WWP2: variants seen among roughly 807,000 people sequenced by gnomAD.
WWP2 encodes NEDD4-like E3 ubiquitin-protein ligase WWP2.
A neutral mutation model predicts 121.0 loss-of-function variants in WWP2; 57 were observed. That is an observed-to-expected ratio of 0.47 (90% CI 0.38 to 0.59). The LOEUF (loss-of-function observed/expected upper bound fraction) is 0.59, where lower values mean the gene tolerates loss of function less well. Ranked by LOEUF, WWP2 falls within the 20% of genes least tolerant of loss-of-function variation. The probability of loss-of-function intolerance (pLI) is 0.00; values close to 1 mark genes in which losing one functional copy is unlikely to be tolerated. For synonymous variants in WWP2, 449 were observed against 441.3 expected (o/e 1.02, Z -0.22); for missense variants, 962 against 1,158.9 (o/e 0.83, Z 2.47).
chr16:69,771,952 CTTTT>C (rs56376857), intron 1 of WWP2, among the ~76,000 whole-genome samples: 11 of 55,826 alleles, frequency 2.0e-4, no homozygotes, highest in Non-Finnish European at 3.1e-4. Context: ...TCTTTTTAGT[CTTTT>C]TTTTTTTTTT....
Position 69,935,895 on chromosome 16 carries a change from C to T in WWP2, c.1885C>T (p.Pro629Ser). The T allele has an allele frequency of 6.2e-7, 1 of 1,614,044 alleles. No homozygotes were observed. The highest frequency in any genetic ancestry group is 8.5e-7 in the Non-Finnish European group (1 of 1,180,020). The part of the protein sequence containing the change: ...GKFIDTGFTL[P>S]FYKRMLNKRP... ...GTTCATCGACACGGGCTTCACCCTC[C>T]CTTTCTACAAGCGGATGCTCAATAA... The change falls in exon 18 of 24, where the codon CCT becomes TCT. Residue 629 changes from proline (P) to serine (S), a missense_variant. Coordinates refer to ENST00000359154, the MANE Select transcript of WWP2 (RefSeq NM_001270454.2). This position sits in a 1 kb window ranked among gnomAD's most constrained non-coding sequence, Gnocchi z 5.2.
chr16:69,845,730 G>A (rs975210268), intron 6 of WWP2, among the ~76,000 whole-genome samples: 1 of 152,044 alleles, frequency 6.6e-6, no homozygotes, highest in African/African-American at 2.4e-5. Flanking sequence ...CCATTTCTTA[G>A]TGGGATCTTG....
chr16:69,787,588 C>T (rs1335275240), intron 2 of WWP2, among the ~76,000 whole-genome samples: 2 of 152,080 alleles, frequency 1.3e-5, no homozygotes, highest in Admixed American at 6.6e-5. Flanking sequence ...GACCCTGTCC[C>T]AAAAACAAAT....
At chr16:69,900,247 G>T (rs1371728472) in intron 8 of WWP2, among the ~76,000 whole-genome samples, 1 of 152,202 alleles carries the variant, frequency 6.6e-6, no homozygotes, top group Non-Finnish European at 1.5e-5. Flanking sequence ...CCTTTGGAAA[G>T]AGTGTACCCA....
rs561138636 is a variant in WWP2, at chr16:69,937,504, C to A, written c.2239-44C>A. 1.3e-5 allele frequency: 21 copies of A among 1,598,642 alleles called. No individual in the cohort carries two copies. In the South Asian group the frequency reaches 2.2e-4, roughly 17 times the overall value. On this transcript the variant is annotated intron_variant, in intron 20 of 23. Transcript: ENST00000359154. This position sits in a 1 kb window ranked among gnomAD's most constrained non-coding sequence, Gnocchi z 6.6. Reference sequence around the variant, plus strand: ...CAAGTGCTAGCGAGTGGACGATGCGCGGGGAGGGACCTGCCGGGGATGCTG... The same window carrying A: ...CAAGTGCTAGCGAGTGGACGATGCGAGGGGAGGGACCTGCCGGGGATGCTG...
intron 2 of WWP2, among the ~76,000 whole-genome samples, chr16:69,796,173 C>T (rs948235369): frequency 6.6e-6 from 1 of 152,112 alleles, no homozygotes; most frequent in Non-Finnish European, 1.5e-5. Flanking sequence ...TTGGGAAATA[C>T]ACCCAGAAAT....
chr16:69,894,307 C>T (rs2151945298), intron 8 of WWP2, among the ~76,000 whole-genome samples: 1 of 151,656 alleles, frequency 6.6e-6, no homozygotes, highest in African/African-American at 2.4e-5. Context: ...TCTCAAACTC[C>T]TGGGCTCAAG....
chr16:69,854,245 G>A (rs1469910157), intron 6 of WWP2, among the ~76,000 whole-genome samples: 1 of 152,228 alleles, frequency 6.6e-6, no homozygotes, highest in Non-Finnish European at 1.5e-5. Flanking sequence ...TTGGTAGCTT[G>A]ACCATGTGCT....
intron 21 of WWP2, among the ~76,000 whole-genome samples, chr16:69,938,767 G>A (rs2058836261): frequency 6.6e-6 from 1 of 152,242 alleles, no homozygotes; most frequent in South Asian, 2.1e-4. Context: ...GCAGAACGTG[G>A]ATGGGAAGAG....
chr16:69,863,418 G>A (rs2057461223), intron 6 of WWP2, among the ~76,000 whole-genome samples: 1 of 151,888 alleles, frequency 6.6e-6, no homozygotes, highest in Non-Finnish European at 1.5e-5. Context: ...GGCGGGTGAA[G>A]TCCTGAGGTC....
intron 7 of WWP2, among the ~76,000 whole-genome samples, chr16:69,887,697 C>G (rs1272445513): frequency 6.6e-6 from 1 of 152,160 alleles, no homozygotes; most frequent in Non-Finnish European, 1.5e-5. Flanking sequence ...TGAGCCACTG[C>G]GCCTGGCCCC....
At chr16:69,846,070 A>AAAAAAAAAAAAAG (rs58504050) in intron 6 of WWP2, among the ~76,000 whole-genome samples, 3 of 149,652 alleles carry the variant, frequency 2.0e-5, no homozygotes, top group African/African-American at 7.4e-5. Flanking sequence ...AAAAAAAAAA[A>AAAAAAAAAAAAAG]GAATACTTAT....
intron 7 of WWP2, among the ~76,000 whole-genome samples, chr16:69,887,705 C>T (rs1026293276): frequency 5.9e-5 from 9 of 152,146 alleles, no homozygotes; most frequent in Non-Finnish European, 1.0e-4. Context: ...TGCGCCTGGC[C>T]CCAACACATT....
chr16:69,808,867 A>T (rs1332373825), intron 4 of WWP2, among the ~76,000 whole-genome samples: 1 of 152,270 alleles, frequency 6.6e-6, no homozygotes, highest in Non-Finnish European at 1.5e-5. Context: ...GGACACACAC[A>T]TACATTTCTA....
At chr16:69,782,567 G>A (rs2055686881) in intron 1 of WWP2, among the ~76,000 whole-genome samples, 1 of 152,182 alleles carries the variant, frequency 6.6e-6, no homozygotes. Flanking sequence ...TAACCTGGAG[G>A]TCTCTCTGGA....
At chr16:69,900,273 A>T (rs1038921277) in intron 8 of WWP2, among the ~76,000 whole-genome samples, 1 of 151,952 alleles carries the variant, frequency 6.6e-6, no homozygotes, top group African/African-American at 2.4e-5. Context: ...GCTCCCATTG[A>T]TCGTTCTTGA....
intron 19 of WWP2, 188 bp from the exon 20 acceptor site, chr16:69,936,930 C>T (rs770839687): frequency 1.0e-5 from 7 of 686,194 alleles, no homozygotes; most frequent in Admixed American, 6.3e-5. Context: ...TCAAAGACTC[C>T]GGTGTCTGCA....
At chr16:69,807,619 CAAAAAA>C (rs530408058) in intron 4 of WWP2, among the ~76,000 whole-genome samples, 2 of 46,902 alleles carry the variant, frequency 4.3e-5, no homozygotes, top group African/African-American at 1.5e-4. Context: ...ACCCTTTCTC[CAAAAAA>C]AAAAAAAAAA....
intron 18 of WWP2, 84 bp downstream of exon 18, chr16:69,936,070 G>T: frequency 6.4e-7 from 1 of 1,559,322 alleles, no homozygotes. Context: ...CCTTTATTTT[G>T]TCTGCCAGTG....
Sources: allele counts gnomAD v4.1 joint callset (sites outside exome capture counted in the v4.1 genomes callset), GRCh38; gene constraint gnomAD v4.1.1; non-coding constraint Gnocchi (gnomAD v3.1); transcripts MANE v1.5; gene names NCBI Gene and HGNC (gene_info 2026-07-23, HGNC 2026-07-21).